TXNRD1: variants seen among roughly 807,000 people sequenced by gnomAD.
TXNRD1 encodes the protein thioredoxin reductase 1.
TXNRD1 carries 57 observed loss-of-function variants against 80.3 expected under a neutral mutation model. The observed-to-expected ratio is 0.71, with a 90% CI of 0.57 to 0.89. The LOEUF (loss-of-function observed/expected upper bound fraction) is 0.89. Among genes scored for constraint, TXNRD1 ranks in the 40% least tolerant of loss-of-function variants. The pLI is 0.00. For synonymous variants in TXNRD1, 291 were observed against 285.2 expected (o/e 1.02, Z -0.20); for missense variants, 730 against 803.0 (o/e 0.91, Z 1.10).
At chr12:104,322,031 TGA>T (rs2135833656) in intron 10 of TXNRD1, among the ~76,000 whole-genome samples, 1 of 151,976 alleles carries the variant, frequency 6.6e-6, no homozygotes, top group Non-Finnish European at 1.5e-5. Context: ...TGGGTTGACT[TGA>T]GTTGTGTATG....
rs191552784 is a variant in TXNRD1, at chr12:104,326,263, C to T, written c.1309-84C>T. 3.1e-4 allele frequency: 280 copies of T among 902,266 alleles called. 2 individuals carry two copies. The East Asian group carries it at 7.2e-3, about 23-fold the overall frequency. 55.9% of individuals were successfully genotyped at this position (902,266 alleles called of 1,614,324 possible). On this transcript the variant is annotated intron_variant, in intron 11 of 16. Transcript: ENST00000525566. Reference sequence around the variant, plus strand: ...AGTTTGAAAAATGAAATCAGATTAGCTTAATAAGCAGAGAAAAATATGATT... The same window carrying T: ...AGTTTGAAAAATGAAATCAGATTAGTTTAATAAGCAGAGAAAAATATGATT...
chr12:104,266,692 G>A (rs957761951), intron 3 of TXNRD1, among the ~76,000 whole-genome samples: 1 of 151,954 alleles, frequency 6.6e-6, no homozygotes, highest in Admixed American at 6.6e-5. Context: ...GGCCGGGCGC[G>A]GTGGCTCACG....
chr12:104,338,104 A>G (rs1355106580), intron 15 of TXNRD1, among the ~76,000 whole-genome samples: 1 of 151,516 alleles, frequency 6.6e-6, no homozygotes, highest in Non-Finnish European at 1.5e-5. Flanking sequence ...TCAAAATTTT[A>G]ATTTGAATGA....
At chr12:104,334,586 G>A (rs2043867115) in intron 15 of TXNRD1, among the ~76,000 whole-genome samples, 1 of 152,104 alleles carries the variant, frequency 6.6e-6, no homozygotes, top group Admixed American at 6.5e-5. Flanking sequence ...TGGCCAGGCT[G>A]GTCTTGAACA....
rs1438288428 is a variant in TXNRD1, at chr12:104,334,088, CT to C, written c.1651-145del. The C allele has an allele frequency of 1.2e-5, 5 of 400,038 alleles. No individual in the cohort carries two copies. The Admixed American group carries it at 2.3e-4, about 18-fold the overall frequency. 24.8% of individuals were successfully genotyped at this position (400,038 alleles called of 1,614,324 possible). Reference sequence around the variant, plus strand: ...CAGCAAGGAGTTGAAAGTCATTTACCTTTTGACCAGATTCCTATTTATTCCA... The same window carrying C: ...CAGCAAGGAGTTGAAAGTCATTTACCTTTGACCAGATTCCTATTTATTCCA... On this transcript the variant is annotated intron_variant, in intron 14 of 16. Transcript: ENST00000525566.
intron 3 of TXNRD1, among the ~76,000 whole-genome samples, chr12:104,269,068 C>A (rs1459587480): frequency 6.6e-6 from 1 of 151,388 alleles, no homozygotes; most frequent in Non-Finnish European, 1.5e-5. Context: ...CCATGCCTGG[C>A]TAATTTTTGT....
chr12:104,252,684 ATATATATTTTTTTTTTTTT>A (rs2033149498), intron 2 of TXNRD1, among the ~76,000 whole-genome samples: 1 of 100,936 alleles, frequency 9.9e-6, no homozygotes, highest in African/African-American at 4.2e-5. Flanking sequence ...ATATATATAT[ATATATATTTTTTTTTTTTT>A]TTTTTTTTTT....
chr12:104,283,558 T>C (rs1474482333), intron 3 of TXNRD1, among the ~76,000 whole-genome samples: 1 of 151,326 alleles, frequency 6.6e-6, no homozygotes, highest in Non-Finnish European at 1.5e-5. Flanking sequence ...CCTCACACTC[T>C]GGCTTCTTAA....
In TXNRD1 at chr12:104,242,321, G is replaced by A. The variant is rs576769425; in HGVS notation, c.92-9206G>A. On this transcript the variant is annotated intron_variant, in intron 1 of 16. Coordinates refer to ENST00000525566, the MANE Select transcript of TXNRD1 (RefSeq NM_001093771.3). ...TCCCAGCACTTTGGGAGGCCAAGGC[G>A]GGTGGATCATGAGGTCAGGAGTTCG... Among the ~76,000 whole-genome samples, 1,036 of 151,860 alleles carry A rather than the reference G, an allele frequency of 6.8e-3. 7 individuals are homozygous for A. The Middle Eastern group carries it at 0.075, about 11-fold the overall frequency.
chr12:104,247,962 T>TG (rs1445832066), intron 1 of TXNRD1, among the ~76,000 whole-genome samples: 2 of 152,218 alleles, frequency 1.3e-5, no homozygotes, highest in East Asian at 3.8e-4. Context: ...TGAACACAGT[T>TG]GGCCTAGTGA....
intron 1 of TXNRD1, among the ~76,000 whole-genome samples, chr12:104,231,132 A>G (rs191827310): frequency 6.6e-6 from 1 of 152,296 alleles, no homozygotes; most frequent in African/African-American, 2.4e-5. Context: ...TTTAAAAGAA[A>G]CGAAAACTTC....
At chr12:104,284,280 G>A (rs1182212770) in intron 3 of TXNRD1, 1 of 152,208 alleles carries the variant, frequency 6.6e-6, no homozygotes, top group African/African-American at 2.4e-5. Context: ...CTTCAGCAAT[G>A]TTTCCTGCTT....
At chr12:104,276,316 G>C (rs1228397277) in intron 3 of TXNRD1, among the ~76,000 whole-genome samples, 1 of 152,208 alleles carries the variant, frequency 6.6e-6, no homozygotes, top group East Asian at 1.9e-4. Flanking sequence ...TGACATGTAA[G>C]TATAGAGAGC....
At chr12:104,341,943 A>G (rs1324870569) in intron 16 of TXNRD1, among the ~76,000 whole-genome samples, 1 of 152,216 alleles carries the variant, frequency 6.6e-6, no homozygotes, top group Non-Finnish European at 1.5e-5. Flanking sequence ...TTTATTATAA[A>G]GGTTGCAACT....
chr12:104,298,245 A>C (rs1013850107), intron 4 of TXNRD1, among the ~76,000 whole-genome samples: 1 of 152,268 alleles, frequency 6.6e-6, no homozygotes, highest in South Asian at 2.1e-4. Flanking sequence ...AACTCAGACT[A>C]TTTGTGGATC....
intron 1 of TXNRD1, among the ~76,000 whole-genome samples, chr12:104,242,090 A>G (rs2032884078): frequency 6.6e-6 from 1 of 151,248 alleles, no homozygotes; most frequent in South Asian, 2.1e-4. Flanking sequence ...GGCGCACGCC[A>G]CCACACCTGG....
intron 1 of TXNRD1, among the ~76,000 whole-genome samples, chr12:104,217,763 T>C (rs929296238): frequency 9.2e-5 from 14 of 152,196 alleles, no homozygotes; most frequent in Admixed American, 5.9e-4. Flanking sequence ...GCCCCTGGTA[T>C]CCATCATTCT....
chr12:104,227,176 G>A (rs1344731353), intron 1 of TXNRD1, among the ~76,000 whole-genome samples: 1 of 152,122 alleles, frequency 6.6e-6, no homozygotes, highest in African/African-American at 2.4e-5. Flanking sequence ...AATATATCTA[G>A]TAGGATATCT....
At chr12:104,320,980 C>T (rs1225715374) in intron 9 of TXNRD1, 111 bp from the exon 10 acceptor site, 1 of 765,880 alleles carries the variant, frequency 1.3e-6, no homozygotes, top group Non-Finnish European at 2.2e-6. Flanking sequence ...GAATGTTTAT[C>T]ATCTTGAAAG....
Sources: allele counts gnomAD v4.1 joint callset (sites outside exome capture counted in the v4.1 genomes callset), GRCh38; gene constraint gnomAD v4.1.1; transcripts MANE v1.5; gene names NCBI Gene and HGNC (gene_info 2026-07-23, HGNC 2026-07-21).